Variants in EYA4 observed in about 807,000 individuals in gnomAD.
EYA4 encodes protein phosphatase EYA4.
Under a neutral mutation model 87.9 loss-of-function variants are expected in EYA4, and 31 were observed. The observed-to-expected ratio is 0.35, with a 90% CI of 0.27 to 0.48. The LOEUF (loss-of-function observed/expected upper bound fraction) is 0.48, where lower values mean the gene tolerates loss of function less well. EYA4 is among the 20% of genes least tolerant of loss of function. The pLI is 0.99. For missense variants in EYA4, 678 were observed against 761.4 expected, an observed-to-expected ratio of 0.89 and a Z score of 1.29; for synonymous variants, 263 against 270.6, an observed-to-expected ratio of 0.97 and a Z score of 0.28.
At chr6:133,446,501 T>C in intron 3 of EYA4, 129 bp from the exon 4 acceptor site, 1 of 1,004,748 alleles carries the variant, frequency 1.0e-6, no homozygotes, top group Non-Finnish European at 1.5e-6. Flanking sequence ...TTCATCTGGT[T>C]GACTAAGTCT....
intron 13 of EYA4, among the ~76,000 whole-genome samples, chr6:133,493,615 C>T (rs902536423): frequency 6.6e-6 from 1 of 152,136 alleles, no homozygotes; most frequent in South Asian, 2.1e-4. Flanking sequence ...AGTTAAAAAG[C>T]TTCTGCACAG....
intron 2 of EYA4, among the ~76,000 whole-genome samples, chr6:133,301,970 G>C (rs2128315522): frequency 6.6e-6 from 1 of 152,344 alleles, no homozygotes; most frequent in South Asian, 2.1e-4. Context: ...GGAAGTATCA[G>C]GTTGACTTCT....
intron 13 of EYA4, among the ~76,000 whole-genome samples, chr6:133,501,117 A>G (rs1583474566): frequency 6.6e-6 from 1 of 151,374 alleles, no homozygotes; most frequent in South Asian, 2.1e-4. Context: ...TAGCTCCCTC[A>G]CCTTTGTCAG....
intron 3 of EYA4, among the ~76,000 whole-genome samples, chr6:133,395,859 G>A (rs1787745034): frequency 6.6e-6 from 1 of 152,174 alleles, no homozygotes; most frequent in African/African-American, 2.4e-5. Context: ...TTTACACTTG[G>A]TATCTCAGCA....
At chr6:133,294,023 T>TATATATATA in intron 2 of EYA4, among the ~76,000 whole-genome samples, 1 of 78,780 alleles carries the variant, frequency 1.3e-5, no homozygotes, top group Non-Finnish European at 2.5e-5. Flanking sequence ...TAGGGTGATT[T>TATATATATA]TATATATATA....
At chr6:133,388,332 G>T (rs1216180460) in intron 3 of EYA4, among the ~76,000 whole-genome samples, 2 of 151,716 alleles carry the variant, frequency 1.3e-5, no homozygotes, top group African/African-American at 4.8e-5. Context: ...GCTTGAACCT[G>T]GGGGGCGGAG....
intron 3 of EYA4, among the ~76,000 whole-genome samples, chr6:133,404,673 C>A (rs1192542396): frequency 6.6e-6 from 1 of 152,150 alleles, no homozygotes; most frequent in African/African-American, 2.4e-5. Flanking sequence ...TTTTCTAACA[C>A]AAAACATTTG....
chr6:133,364,197 A>C (rs778044811), intron 2 of EYA4, among the ~76,000 whole-genome samples: 2 of 152,204 alleles, frequency 1.3e-5, no homozygotes, highest in Admixed American at 1.3e-4. Flanking sequence ...GAGTGTTGCA[A>C]GTGTTGCCAA....
chr6:133,425,443 C>G (rs1304524581), intron 3 of EYA4, among the ~76,000 whole-genome samples: 3 of 150,422 alleles, frequency 2.0e-5, no homozygotes, highest in Admixed American at 1.3e-4. Flanking sequence ...TGACACCCCC[C>G]CAACCTCGCC....
intron 1 of EYA4, among the ~76,000 whole-genome samples, chr6:133,241,979 C>T (rs1286393342): frequency 6.6e-6 from 1 of 152,204 alleles, no homozygotes; most frequent in East Asian, 1.9e-4. Context: ...CAGCGGTGCT[C>T]TCTGCCCTAG....
At chr6:133,302,222 C>CT (rs562405157) in intron 2 of EYA4, among the ~76,000 whole-genome samples, 130 of 151,218 alleles carry the variant, frequency 8.6e-4, no homozygotes, top group South Asian at 2.1e-3. Context: ...ATTTTTTGCT[C>CT]TTTTTTTTTA....
At chr6:133,382,472 A>G in intron 3 of EYA4, 31 bp downstream of exon 3, 4 of 1,494,910 alleles carry the variant, frequency 2.7e-6, no homozygotes, top group East Asian at 2.3e-5. Context: ...AGACTCCCCT[A>G]AGGAGAATTG....
chr6:133,430,834 A>G (rs1791119067), intron 3 of EYA4, among the ~76,000 whole-genome samples: 1 of 152,234 alleles, frequency 6.6e-6, no homozygotes, highest in Non-Finnish European at 1.5e-5. Flanking sequence ...TTCTAGAGGG[A>G]GAGCCAATTA....
At chr6:133,505,847 C>T (rs1435740667) in intron 13 of EYA4, among the ~76,000 whole-genome samples, 2 of 152,168 alleles carry the variant, frequency 1.3e-5, no homozygotes, top group African/African-American at 4.8e-5. Context: ...CTCCTTCTCT[C>T]CTCAACATAC....
intron 1 of EYA4, 103 bp from the exon 2 acceptor site, chr6:133,274,610 CCTA>C: frequency 1.6e-6 from 1 of 635,556 alleles, no homozygotes; most frequent in Middle Eastern, 2.9e-4. Flanking sequence ...AGAGAATGCT[CCTA>C]CAAGTTACTA....
chr6:133,286,907 G>T (rs977148604), intron 2 of EYA4, among the ~76,000 whole-genome samples: 2 of 152,150 alleles, frequency 1.3e-5, no homozygotes, highest in African/African-American at 4.8e-5. Context: ...GTAGTGTTGG[G>T]GAGGGGTGCT....
At position 133,446,864 on chromosome 6, in the gene EYA4, C is replaced by A. The variant is rs564196539; in HGVS notation, c.208+110C>A. On this transcript the variant is annotated intron_variant, in intron 4 of 19. Transcript: ENST00000355286. ...ATATCTTATTATCAATAACACAAAT[C>A]AGCATTATATCCAAGGTATATATAA... The A allele has an allele frequency of 7.9e-5, 84 of 1,066,064 alleles. No individual in the cohort carries two copies. The East Asian group carries it at 2.1e-3, about 26-fold the overall frequency. The allele number at this position is 1,066,064 out of a possible 1,614,324, so 66.0% of individuals were successfully genotyped here.
intron 2 of EYA4, among the ~76,000 whole-genome samples, chr6:133,318,439 A>G (rs924296696): frequency 1.3e-5 from 2 of 152,018 alleles, no homozygotes; most frequent in African/African-American, 4.8e-5. Flanking sequence ...AAAACCAAAG[A>G]CTTTTTCTTT....
intron 1 of EYA4, among the ~76,000 whole-genome samples, chr6:133,258,842 CT>C (rs909986768): frequency 2.0e-5 from 3 of 152,104 alleles, no homozygotes; most frequent in Non-Finnish European, 2.9e-5. Context: ...AAACGTTAGT[CT>C]TTTTTCCCCC....
Sources: gnomAD v4.1 joint callset for allele counts (sites outside exome capture counted in the v4.1 genomes callset) on GRCh38, gnomAD v4.1.1 for gene constraint, MANE v1.5 for transcripts, NCBI Gene and HGNC (gene_info 2026-07-23, HGNC 2026-07-21) for gene names.